The following SNX9 variants were observed in gnomAD, a reference collection of about 807,000 sequenced individuals.
SNX9 encodes the protein sorting nexin-9.
SNX9 carries 44 observed loss-of-function variants against 89.4 expected under a neutral mutation model. The observed-to-expected ratio is 0.49, with a 90% CI of 0.39 to 0.63. The LOEUF (loss-of-function observed/expected upper bound fraction) is 0.63. SNX9 is among the 30% of genes least tolerant of loss of function. The probability of loss-of-function intolerance (pLI) is 0.00; values close to 1 mark genes in which losing one functional copy is unlikely to be tolerated. For synonymous variants in SNX9, 236 were observed against 247.8 expected (o/e 0.95, Z 0.45); for missense variants, 578 against 736.1 (o/e 0.79, Z 2.49).
At chr6:157,857,419 G>A (rs1386579503) in intron 1 of SNX9, among the ~76,000 whole-genome samples, 1 of 151,824 alleles carries the variant, frequency 6.6e-6, no homozygotes, top group Non-Finnish European at 1.5e-5. Context: ...ATGCTGCTCG[G>A]AATTCCCAAT....
At chr6:157,890,263 C>T (rs1352322970) in intron 4 of SNX9, among the ~76,000 whole-genome samples, 1 of 152,168 alleles carries the variant, frequency 6.6e-6, no homozygotes, top group Non-Finnish European at 1.5e-5. Context: ...GTCCGTCTCC[C>T]CCACCCCTCG....
At chr6:157,824,739 CTTG>C (rs1454689735) in intron 1 of SNX9, among the ~76,000 whole-genome samples, 1 of 152,112 alleles carries the variant, frequency 6.6e-6, no homozygotes, top group African/African-American at 2.4e-5. Flanking sequence ...TAATTACCTT[CTTG>C]TTAATATATT....
At chr6:157,926,847 T>C (rs1344740279) in intron 10 of SNX9, among the ~76,000 whole-genome samples, 4 of 151,646 alleles carry the variant, frequency 2.6e-5, no homozygotes, top group Admixed American at 1.3e-4. Flanking sequence ...AGGTAGCCAT[T>C]GGAAAGAGAA....
At chr6:157,842,241 T>TA in intron 1 of SNX9, among the ~76,000 whole-genome samples, 1 of 152,362 alleles carries the variant, frequency 6.6e-6, no homozygotes, top group Non-Finnish European at 1.5e-5. Flanking sequence ...TGCCATCTCT[T>TA]ACTGGTTGAC....
chr6:157,824,855 G>T (rs1054910387), intron 1 of SNX9, among the ~76,000 whole-genome samples: 12 of 152,152 alleles, frequency 7.9e-5, no homozygotes, highest in African/African-American at 2.9e-4. Flanking sequence ...CTTAGGCCAA[G>T]GATTTCTAAG....
intron 2 of SNX9, among the ~76,000 whole-genome samples, chr6:157,870,438 TCA>T (rs990190073): frequency 6.7e-6 from 1 of 149,616 alleles, no homozygotes; most frequent in Non-Finnish European, 1.5e-5. Flanking sequence ...TCACATGCTG[TCA>T]CACAGATGCA....
chr6:157,852,994 TTTTGTTTG>T (rs955170493), intron 1 of SNX9, among the ~76,000 whole-genome samples: 2 of 152,084 alleles, frequency 1.3e-5, no homozygotes, highest in Non-Finnish European at 2.9e-5. Context: ...TGGTGAGTTT[TTTTGTTTG>T]TTTGTTTGTT....
intron 1 of SNX9, among the ~76,000 whole-genome samples, chr6:157,862,025 G>T (rs887935543): frequency 6.6e-6 from 1 of 152,140 alleles, no homozygotes; most frequent in Non-Finnish European, 1.5e-5. Flanking sequence ...GTCCTGAGTG[G>T]GAGAGTGTGA....
At chr6:157,884,221 T>C (rs1782686196) in intron 4 of SNX9, among the ~76,000 whole-genome samples, 1 of 152,240 alleles carries the variant, frequency 6.6e-6, no homozygotes, top group South Asian at 2.1e-4. Flanking sequence ...ATTAAACAAA[T>C]GCTTGAAGTT....
chr6:157,939,125 C>G (rs1783984455), intron 16 of SNX9, among the ~76,000 whole-genome samples: 2 of 151,400 alleles, frequency 1.3e-5, no homozygotes, highest in African/African-American at 2.4e-5. Flanking sequence ...TCATTTTAGG[C>G]ACAATTTTTT....
intron 15 of SNX9, among the ~76,000 whole-genome samples, chr6:157,937,951 A>G (rs571986957): frequency 7.7e-4 from 118 of 152,382 alleles, no homozygotes; most frequent in African/African-American, 2.7e-3. Context: ...ACTTCAGATA[A>G]CTTAATATAA....
intron 9 of SNX9, among the ~76,000 whole-genome samples, chr6:157,912,036 C>A (rs1235843662): frequency 6.6e-6 from 1 of 152,184 alleles, no homozygotes; most frequent in Non-Finnish European, 1.5e-5. Context: ...GAGGCACTGA[C>A]CGAACCCCTG....
At chr6:157,916,036 C>CTT (rs1240251607) in intron 9 of SNX9, among the ~76,000 whole-genome samples, 2 of 142,706 alleles carry the variant, frequency 1.4e-5, no homozygotes, top group Admixed American at 1.4e-4. Flanking sequence ...TTTGTCTTTT[C>CTT]TTTTTTTTTT....
chr6:157,902,756 G>A (rs1438158520), intron 6 of SNX9, among the ~76,000 whole-genome samples: 6 of 152,018 alleles, frequency 3.9e-5, no homozygotes, highest in Non-Finnish European at 1.5e-5. Flanking sequence ...CAACCCCAAC[G>A]TCCCGGGTTC....
At chr6:157,921,704 T>G (rs777822127) in intron 10 of SNX9, 43 bp downstream of exon 10, 1 of 1,582,384 alleles carries the variant, frequency 6.3e-7, no homozygotes, top group Non-Finnish European at 8.6e-7. Context: ...TATTGAGAGT[T>G]GTCTCATTCA....
chr6:157,927,776 G>GAGTGC (rs942019091), intron 11 of SNX9, among the ~76,000 whole-genome samples: 1 of 141,636 alleles, frequency 7.1e-6, no homozygotes, highest in Admixed American at 7.3e-5. Flanking sequence ...ACCCAGGCTG[G>GAGTGC]AGTGCAGTGG....
intron 4 of SNX9, among the ~76,000 whole-genome samples, chr6:157,893,161 G>A (rs549864148): frequency 2.0e-5 from 3 of 152,318 alleles, no homozygotes; most frequent in South Asian, 4.1e-4. Context: ...AACTGTAGAA[G>A]GAAGGGTTTC....
intron 14 of SNX9, among the ~76,000 whole-genome samples, chr6:157,936,757 G>T (rs541988840): frequency 1.3e-5 from 2 of 152,324 alleles, no homozygotes; most frequent in African/African-American, 4.8e-5. Context: ...GACAGGGTAG[G>T]TCCTTGTCAT....
chr6:157,901,947 C>T lies in SNX9; in HGVS notation c.522C>T (p.Ser174=), dbSNP rs754123135. The part of the protein sequence containing the change: ...DWDEDWDGPK[S]SSYFKDSESA... ...ATGAAGACTGGGATGGGCCCAAATC[C>T]TCTTCCTACTTTAAGGATTCAGAGT... The change falls in exon 6 of 18, where the codon TCC becomes TCT. Residue 174 remains serine (S), a synonymous_variant. Coordinates refer to ENST00000392185, the MANE Select transcript of SNX9 (RefSeq NM_016224.5). 3.1e-6 allele frequency: 5 copies of T among 1,613,076 alleles called. No homozygotes were observed. Among genetic ancestry groups the T allele is most frequent in the Admixed American group, 1.7e-5 (1 of 59,936 alleles).
Sources: allele counts gnomAD v4.1 joint callset (sites outside exome capture counted in the v4.1 genomes callset), GRCh38; gene constraint gnomAD v4.1.1; transcripts MANE v1.5; gene names NCBI Gene and HGNC (gene_info 2026-07-23, HGNC 2026-07-21).